Variants in CACNA1B observed in about 807,000 individuals in gnomAD.
The protein encoded by CACNA1B is voltage-dependent N-type calcium channel subunit alpha-1B.
CACNA1B carries 70 observed loss-of-function variants against 247.2 expected under a neutral mutation model. The observed-to-expected ratio is 0.28, with a 90% CI of 0.23 to 0.35. CACNA1B has a LOEUF of 0.35. CACNA1B is among the 10% of genes least tolerant of loss of function. The pLI, the probability that CACNA1B is intolerant of heterozygous loss-of-function variation, is 1.00. For missense variants in CACNA1B, 2,367 were observed against 3,197.4 expected (o/e 0.74, Z 6.26); for synonymous variants, 1,231 against 1,294.4 (o/e 0.95, Z 1.05).
Position 138,120,869 on chromosome 9 carries a change from AC to A in CACNA1B, c.6481del (p.His2161ThrfsTer8). 1 of 1,569,932 alleles carries A rather than the reference AC, an allele frequency of 6.4e-7. No homozygotes were observed. Among genetic ancestry groups the A allele is most frequent in the Non-Finnish European group, 8.6e-7 (1 of 1,158,154 alleles). On this transcript the variant is annotated frameshift_variant, in exon 46 of 47. Transcript: ENST00000371372. LOFTEE classifies it high-confidence loss of function. Reference sequence around the variant, plus strand: ...CGCCAACAGCTGGCCAGGAGCCGGGACCCCACCCACAGGTAAGAGGAATAGG... The same window carrying A: ...CGCCAACAGCTGGCCAGGAGCCGGGACCCACCCACAGGTAAGAGGAATAGG... ...TSPTAGQEPG[P>X]HPQGSGSVNG...
chr9:137,896,141 A>G (rs1957169742), intron 3 of CACNA1B, among the ~76,000 whole-genome samples: 1 of 150,092 alleles, frequency 6.7e-6, no homozygotes, highest in Admixed American at 6.7e-5. Flanking sequence ...CGGGAGGCTG[A>G]GGCAGGAGAA....
At chr9:138,083,877 C>T (rs1369631880) in intron 36 of CACNA1B, among the ~76,000 whole-genome samples, 1 of 150,692 alleles carries the variant, frequency 6.6e-6, no homozygotes, top group Non-Finnish European at 1.5e-5. Flanking sequence ...ACCTGGGATA[C>T]TGCCAAGCCC....
intron 20 of CACNA1B, among the ~76,000 whole-genome samples, chr9:138,041,866 T>A (rs577314973): frequency 6.6e-6 from 1 of 152,338 alleles, no homozygotes; most frequent in African/African-American, 2.4e-5. Context: ...GTGATCCTCC[T>A]GCTTCAGCCT....
At chr9:138,120,065 T>TAGATCTC in intron 44 of CACNA1B, 100 bp from the exon 45 acceptor site, 2 of 992,788 alleles carry the variant, frequency 2.0e-6, no homozygotes, top group South Asian at 1.6e-5. Context: ...GGGGGGCGTG[T>TAGATCTC]GGGCCTGCTG....
intron 15 of CACNA1B, among the ~76,000 whole-genome samples, chr9:138,004,586 C>T (rs1047718096): frequency 1.5e-4 from 22 of 151,222 alleles, no homozygotes; most frequent in African/African-American, 4.4e-4. Flanking sequence ...AACCTCAAAG[C>T]TGTATTGTTG....
intron 15 of CACNA1B, 141 bp from the exon 16 acceptor site, chr9:138,006,626 A>T: frequency 1.6e-6 from 1 of 638,376 alleles, no homozygotes; most frequent in South Asian, 1.8e-5. Context: ...AGACAGCATC[A>T]TCTAAAGACC....
chr9:138,076,330 T>C (rs1960317730), intron 35 of CACNA1B, among the ~76,000 whole-genome samples: 1 of 152,046 alleles, frequency 6.6e-6, no homozygotes, highest in Non-Finnish European at 1.5e-5. Context: ...CAGGGATTGG[T>C]GGGATCGAGG....
chr9:137,960,910 G>A (rs569227181), intron 10 of CACNA1B, among the ~76,000 whole-genome samples: 3 of 152,138 alleles, frequency 2.0e-5, no homozygotes, highest in Admixed American at 2.0e-4. Context: ...ATTCTGATTG[G>A]GGTGAGATGA....
intron 6 of CACNA1B, among the ~76,000 whole-genome samples, chr9:137,936,348 A>G: frequency 6.6e-6 from 1 of 151,866 alleles, no homozygotes; most frequent in Non-Finnish European, 1.5e-5. Context: ...TTTTCCTGTA[A>G]ATTTGTTTAA....
chr9:138,071,737 T>G (rs1960141413), intron 32 of CACNA1B, among the ~76,000 whole-genome samples: 1 of 152,146 alleles, frequency 6.6e-6, no homozygotes, highest in South Asian at 2.1e-4. Flanking sequence ...TGTCTTCCAG[T>G]CCTTCCTTCT....
At position 138,023,102 on chromosome 9, in the gene CACNA1B, C is replaced by T. The variant is rs776093577; in HGVS notation, c.2359C>T (p.Leu787=). The T allele has an allele frequency of 6.5e-7, 1 of 1,533,796 alleles. No homozygotes were observed. Among genetic ancestry groups the T allele is most frequent in the Non-Finnish European group, 8.7e-7 (1 of 1,147,180 alleles). Reference sequence around the variant, plus strand: ...GAACCTGCGGGCCAGCTGCGAGGCGCTGTACAGCGAGATGGACCCCGAGGA... The same window carrying T: ...GAACCTGCGGGCCAGCTGCGAGGCGTTGTACAGCGAGATGGACCCCGAGGA... The part of the protein sequence containing the change: ...LQNLRASCEA[L]YSEMDPEERL... Residue 787 remains leucine (L), a synonymous_variant, in exon 19 of 47, where the codon CTG becomes TTG. Transcript: ENST00000371372.
chr9:137,953,032 G>T (rs1203094997), intron 7 of CACNA1B, among the ~76,000 whole-genome samples: 1 of 152,182 alleles, frequency 6.6e-6, no homozygotes, highest in African/African-American at 2.4e-5. Flanking sequence ...AGGGCTGGGG[G>T]TCCATGCTGG....
At chr9:137,927,239 C>G (rs1483357922) in intron 6 of CACNA1B, among the ~76,000 whole-genome samples, 1 of 85,690 alleles carries the variant, frequency 1.2e-5, no homozygotes, top group Non-Finnish European at 2.1e-5. Flanking sequence ...ATCCAGCTTT[C>G]TTCTTCTTTT....
chr9:137,906,320 G>A (rs1049607449), intron 3 of CACNA1B, among the ~76,000 whole-genome samples: 3 of 152,184 alleles, frequency 2.0e-5, no homozygotes, highest in Non-Finnish European at 4.4e-5. Flanking sequence ...GCGTCCTGGT[G>A]CCTGGGAGAC....
chr9:137,921,938 G>A (rs1957487982), intron 6 of CACNA1B, among the ~76,000 whole-genome samples: 1 of 142,188 alleles, frequency 7.0e-6, no homozygotes, highest in Non-Finnish European at 1.5e-5. Context: ...TCAGCACCAC[G>A]ACCGCACAGC....
In CACNA1B at chr9:138,102,881, A is replaced by C; in HGVS notation, c.5319+74A>C. On this transcript the variant is annotated intron_variant, in intron 38 of 46. Coordinates refer to ENST00000371372, the MANE Select transcript of CACNA1B (RefSeq NM_000718.4). This position sits in a 1 kb window ranked among gnomAD's most constrained non-coding sequence, Gnocchi z 5.4. ...CTGAGGGGTGCTTGCTGGCTCTCCC[A>C]GCTCCTCTCCCTTTCAGGGTGCCCG... is the stretch of plus-strand genomic sequence containing the variant. The C allele has an allele frequency of 1.1e-6, 1 of 893,064 alleles. No homozygotes were observed. Among genetic ancestry groups the C allele is most frequent in the South Asian group, 1.6e-5 (1 of 64,292 alleles). 55.3% of individuals were successfully genotyped at this position (893,064 alleles called of 1,614,324 possible).
intron 44 of CACNA1B, among the ~76,000 whole-genome samples, chr9:138,119,943 C>T (rs915018722): frequency 2.6e-5 from 4 of 152,228 alleles, no homozygotes; most frequent in Admixed American, 6.5e-5. Context: ...CCACCTCTCT[C>T]TTCCTGGCAC....
chr9:138,012,998 C>G lies in CACNA1B; in HGVS notation c.2161-131C>G. The G allele has an allele frequency of 1.6e-6, 1 of 641,968 alleles. No individual in the cohort carries two copies. Among genetic ancestry groups the G allele is most frequent in the Non-Finnish European group, 2.6e-6 (1 of 380,136 alleles). The allele number at this position is 641,968 out of a possible 1,614,324, so 39.8% of individuals were successfully genotyped here. ...ATTCACTCAGGGGTTGGCTGCCTGT[C>G]TCCACTGGATAGAGAGCAGCACTGT... On this transcript the variant is annotated intron_variant, in intron 17 of 46. Transcript: ENST00000371372. The surrounding 1 kb of genome is among the most constrained non-coding windows in gnomAD (Gnocchi z 4.2).
At chr9:138,040,666 C>T (rs766703155) in intron 20 of CACNA1B, 3 of 267,504 alleles carry the variant, frequency 1.1e-5, no homozygotes, top group Non-Finnish European at 2.4e-5. Context: ...AAGATATAGG[C>T]TGGGAGGTGA....
Sources: gnomAD v4.1 joint callset for allele counts (sites outside exome capture counted in the v4.1 genomes callset) on GRCh38, gnomAD v4.1.1 for gene constraint, Gnocchi (gnomAD v3.1) non-coding constraint, MANE v1.5 for transcripts, NCBI Gene and HGNC (gene_info 2026-07-23, HGNC 2026-07-21) for gene names.